The following DNAH8 variants were observed in gnomAD, a reference collection of about 807,000 sequenced individuals.
The protein encoded by DNAH8 is dynein axonemal heavy chain 8.
DNAH8 carries 382 observed loss-of-function variants against 562.1 expected under a neutral mutation model. The observed-to-expected ratio is 0.68, with a 90% CI of 0.63 to 0.74. DNAH8 has a LOEUF of 0.74. DNAH8 is among the 30% of genes least tolerant of loss of function. DNAH8 has a pLI of 0.00. For missense variants in DNAH8, 5,203 were observed against 5,620.4 expected, an observed-to-expected ratio of 0.93 and a Z score of 2.37; for synonymous variants, 1,881 against 1,919.4, an observed-to-expected ratio of 0.98 and a Z score of 0.52.
intron 88 of DNAH8, among the ~76,000 whole-genome samples, chr6:38,993,455 A>G (rs1764926307): frequency 6.6e-6 from 1 of 151,914 alleles, no homozygotes; most frequent in Admixed American, 6.6e-5. Context: ...TTTTTCCCCC[A>G]CATATGCTAT....
At chr6:38,833,289 C>T (rs1047762995) in intron 31 of DNAH8, among the ~76,000 whole-genome samples, 1 of 151,852 alleles carries the variant, frequency 6.6e-6, no homozygotes, top group African/African-American at 2.4e-5. Context: ...TTTGCTGCCT[C>T]ATTCTATTGT....
chr6:38,746,936 GA>G (rs561648917), intron 8 of DNAH8, among the ~76,000 whole-genome samples: 1 of 148,006 alleles, frequency 6.8e-6, no homozygotes, highest in South Asian at 2.1e-4. Context: ...TCTCAAAAAA[GA>G]AAAAAAAAGA....
rs111856761 is a variant in DNAH8, at chr6:39,002,361, T to C, written c.13215-6453T>C. Among the ~76,000 whole-genome samples the C allele has an allele frequency of 2.0e-3, 304 of 152,310 alleles. 1 individual carries two copies. The highest frequency in any genetic ancestry group is 6.9e-3 in the African/African-American group (286 of 41,566). ...ACATACAAATTTAAATTTCTGAAAA[T>C]GTATATAGTAACATGTGGATCCTTG... On this transcript the variant is annotated intron_variant, in intron 88 of 92. Coordinates refer to ENST00000327475, the MANE Select transcript of DNAH8 (RefSeq NM_001206927.2).
intron 52 of DNAH8, 131 bp from the exon 53 acceptor site, chr6:38,875,460 G>C: frequency 3.5e-6 from 2 of 578,158 alleles, no homozygotes; most frequent in South Asian, 2.9e-5. Context: ...GTAGGACGGT[G>C]ATCAAGCAAT....
At position 38,721,180 on chromosome 6, in the gene DNAH8, G is replaced by A. The variant is rs183842874; in HGVS notation, c.-34-1596G>A. Among the ~76,000 whole-genome samples the A allele has an allele frequency of 3.0e-3, 458 of 152,192 alleles. 2 individuals are homozygous for A. The highest frequency in any genetic ancestry group is 0.01 in the African/African-American group (428 of 41,528). On this transcript the variant is annotated intron_variant, in intron 1 of 92. Coordinates refer to ENST00000327475, the MANE Select transcript of DNAH8 (RefSeq NM_001206927.2). ...AAAATAAAAAAATTAGGCATGTATC[G>A]TGGTGCATTCCTGTTGTCCCAGCAA...
At position 38,915,186 on chromosome 6, in the gene DNAH8, T is replaced by C; in HGVS notation, c.9964-15T>C. The C allele has an allele frequency of 6.4e-7, 1 of 1,572,130 alleles. No individual in the cohort carries two copies. Among genetic ancestry groups the C allele is most frequent in the Middle Eastern group, 1.7e-4 (1 of 5,978 alleles). ...AGGTTTCTATTGGCTTTCATGTGTT[T>C]CCTCAACTTAACAGGTATTAGCAGA... On this transcript the variant is annotated splice_polypyrimidine_tract_variant and intron_variant, in intron 67 of 92. Transcript: ENST00000327475.
At chr6:38,958,505 A>G (rs1583456470) in intron 82 of DNAH8, among the ~76,000 whole-genome samples, 1 of 151,876 alleles carries the variant, frequency 6.6e-6, no homozygotes, top group Admixed American at 6.5e-5. Context: ...GAAAAATTAC[A>G]TGCCAACAAA....
chr6:38,781,202 G>A (rs753914893), intron 15 of DNAH8, 52 bp from the exon 16 acceptor site: 113 of 1,584,800 alleles, frequency 7.1e-5, no homozygotes, highest in Non-Finnish European at 9.7e-5. Context: ...TATATTTTTT[G>A]CCTTCTCCCT....
intron 4 of DNAH8, among the ~76,000 whole-genome samples, chr6:38,732,985 C>T (rs1003060234): frequency 6.6e-6 from 1 of 152,018 alleles, no homozygotes; most frequent in Non-Finnish European, 1.5e-5. Context: ...ATCTCCCAGG[C>T]TCAAGTGATT....
At chr6:38,830,506 G>A (rs545028532) in intron 30 of DNAH8, among the ~76,000 whole-genome samples, 81 of 151,910 alleles carry the variant, frequency 5.3e-4, no homozygotes, top group Non-Finnish European at 9.7e-4. Flanking sequence ...ATGGTGGCAG[G>A]CACCTGTAGT....
intron 3 of DNAH8, among the ~76,000 whole-genome samples, chr6:38,726,349 T>C (rs1015465402): frequency 6.6e-6 from 1 of 152,218 alleles, no homozygotes; most frequent in Non-Finnish European, 1.5e-5. Context: ...CTTTAAGTAT[T>C]TGCCATCTGT....
intron 4 of DNAH8, among the ~76,000 whole-genome samples, chr6:38,734,012 G>T (rs548652032): frequency 6.6e-6 from 1 of 151,562 alleles, no homozygotes; most frequent in East Asian, 1.9e-4. Flanking sequence ...GGCCAGGCAT[G>T]GTGGCTCACA....
intron 21 of DNAH8, among the ~76,000 whole-genome samples, chr6:38,793,984 T>A (rs1266594414): frequency 1.3e-5 from 2 of 152,224 alleles, no homozygotes; most frequent in Non-Finnish European, 2.9e-5. Context: ...AGAACCTGTT[T>A]CTTTTTATTT....
At chr6:38,840,504 G>T (rs985011872) in intron 33 of DNAH8, among the ~76,000 whole-genome samples, 3 of 152,224 alleles carry the variant, frequency 2.0e-5, no homozygotes, top group African/African-American at 7.2e-5. Flanking sequence ...GCAAAATATT[G>T]CATGATAAGG....
chr6:38,797,190 T>A (rs1770346427), intron 21 of DNAH8, among the ~76,000 whole-genome samples: 1 of 152,140 alleles, frequency 6.6e-6, no homozygotes, highest in Non-Finnish European at 1.5e-5. Context: ...GCTTAGGAGT[T>A]TGACTCCAGC....
chr6:38,766,149 G>T (rs903132606), intron 11 of DNAH8, among the ~76,000 whole-genome samples: 1 of 152,096 alleles, frequency 6.6e-6, no homozygotes, highest in Admixed American at 6.6e-5. Flanking sequence ...ATGTGTGTGT[G>T]TGTGTGTTTG....
chr6:38,801,322 T>C (rs1770760433), intron 21 of DNAH8, among the ~76,000 whole-genome samples: 1 of 152,322 alleles, frequency 6.6e-6, no homozygotes, highest in South Asian at 2.1e-4. Context: ...TACTATTATA[T>C]GGTATTGGAA....
intron 36 of DNAH8, among the ~76,000 whole-genome samples, chr6:38,846,421 G>A (rs968419062): frequency 1.3e-5 from 2 of 152,134 alleles, no homozygotes; most frequent in East Asian, 3.9e-4. Flanking sequence ...TCCTCTGGCC[G>A]ACTGTGCAGT....
chr6:38,815,615 GT>G lies in DNAH8; in HGVS notation c.3482del (p.Val1161GlyfsTer10), dbSNP rs1562882161. Reference protein sequence around the residue: ...SVIPSPTTTDVTHQNTGKLLK... With the variant: ...SVIPSPTTTDXTHQNTGKLLK... ...CATTCCCAGCCCCACCACTACTGAC[GT>G]GACCCATCAAAACACAGGAAAACTG... On this transcript the variant is annotated frameshift_variant, in exon 26 of 93. Coordinates refer to ENST00000327475, the MANE Select transcript of DNAH8 (RefSeq NM_001206927.2). LOFTEE classifies it high-confidence loss of function. 6.2e-7 allele frequency: 1 copy of G among 1,613,820 alleles called. No individual in the cohort carries two copies. The highest frequency in any genetic ancestry group is 8.5e-7 in the Non-Finnish European group (1 of 1,179,872).
Sources: gnomAD v4.1 joint callset for allele counts (sites outside exome capture counted in the v4.1 genomes callset) on GRCh38, gnomAD v4.1.1 for gene constraint, MANE v1.5 for transcripts, NCBI Gene and HGNC (gene_info 2026-07-23, HGNC 2026-07-21) for gene names.